The following TMEM117 variants were observed in gnomAD, a reference collection of about 807,000 sequenced individuals.
The protein encoded by TMEM117 is transmembrane protein 117.
TMEM117 carries 27 observed loss-of-function variants against 52.4 expected under a neutral mutation model. The observed-to-expected ratio is 0.51, with a 90% CI of 0.38 to 0.71. The LOEUF (loss-of-function observed/expected upper bound fraction) is 0.71. Ranked by LOEUF, TMEM117 falls within the 30% of genes least tolerant of loss-of-function variation. The pLI, the probability that TMEM117 is intolerant of heterozygous loss-of-function variation, is 0.00. For synonymous variants in TMEM117, 215 were observed against 206.3 expected (o/e 1.04, Z -0.36); for missense variants, 556 against 630.5 (o/e 0.88, Z 1.26).
chr12:44,376,264 G>A (rs1448680694), intron 6 of TMEM117, among the ~76,000 whole-genome samples: 1 of 152,104 alleles, frequency 6.6e-6, no homozygotes, highest in Non-Finnish European at 1.5e-5. Context: ...TTATTAAATA[G>A]GGATCACTTC....
intron 7 of TMEM117, among the ~76,000 whole-genome samples, chr12:44,384,847 C>T (rs986264882): frequency 9.2e-5 from 14 of 152,142 alleles, no homozygotes; most frequent in African/African-American, 2.9e-4. Flanking sequence ...TACCACCCTA[C>T]ATTTTTGGCA....
In TMEM117 at chr12:44,152,957, A is replaced by T. The variant is rs182135991; in HGVS notation, c.510+9333A>T. 4.4e-3 allele frequency among the ~76,000 whole-genome samples: 660 copies of T among 150,442 alleles called. 3 individuals are homozygous for T. Among genetic ancestry groups the T allele is most frequent in the Non-Finnish European group, 4.9e-3 (330 of 67,602 alleles). ...ATATACTTAAGAATAGTGCATATACACACACACATATTTTAGAATCATGGT... is the reference window on the plus strand; with the variant it reads ...ATATACTTAAGAATAGTGCATATACTCACACACATATTTTAGAATCATGGT... On this transcript the variant is annotated intron_variant, in intron 4 of 7. Transcript: ENST00000266534.
intron 3 of TMEM117, among the ~76,000 whole-genome samples, chr12:43,970,374 C>T (rs753615025): frequency 3.6e-4 from 54 of 152,046 alleles, no homozygotes; most frequent in African/African-American, 1.1e-3. Context: ...CTGCAAGCTC[C>T]GCCTCCTGGG....
At chr12:44,166,724 CA>C (rs1948972712) in intron 4 of TMEM117, among the ~76,000 whole-genome samples, 1 of 152,168 alleles carries the variant, frequency 6.6e-6, no homozygotes, top group African/African-American at 2.4e-5. Flanking sequence ...TATCTATGTT[CA>C]CATGAATTTA....
At chr12:43,905,242 A>G (rs962944052) in intron 2 of TMEM117, among the ~76,000 whole-genome samples, 2 of 152,216 alleles carry the variant, frequency 1.3e-5, no homozygotes, top group African/African-American at 4.8e-5. Flanking sequence ...GAGAAAGCTT[A>G]GAAAGGGCAG....
the TMEM117 span, among the ~76,000 whole-genome samples, chr12:43,813,231 G>GTTTTTTTTTTTTTTT: frequency 3.0e-4 from 19 of 62,666 alleles, 3 homozygotes; most frequent in East Asian, 5.1e-4. Context: ...GTTTTCTCTT[G>GTTTTTTTTTTTTTTT]TTTTTTTTTT....
In TMEM117 at chr12:44,299,614, C is replaced by G; in HGVS notation, c.643C>G (p.Leu215Val). ...TTTTACTCTGACGTCTGTGGTTGTA[C>G]TTGTGATTACAACGGACTGGATCAG... ...VLFTLTSVVV[L>V]VITTDWISWD... Residue 215 changes from leucine (L) to valine (V), a missense_variant, in exon 6 of 8, where the codon CTT (leucine) becomes GTT (valine). By Grantham distance (32) the Leu-to-Val change is conservative. Around this residue, in one of 3 missense-constraint regions of TMEM117, gnomAD observed 328 missense variants for 371.4 expected, o/e 0.88. Coordinates refer to ENST00000266534, the MANE Select transcript of TMEM117 (RefSeq NM_032256.3). 2 of 1,614,200 alleles carry G rather than the reference C, an allele frequency of 1.2e-6. No homozygotes were observed. Among genetic ancestry groups the G allele is most frequent in the African/African-American group, 1.3e-5 (1 of 75,066 alleles).
intron 3 of TMEM117, among the ~76,000 whole-genome samples, chr12:44,121,429 C>T (rs1000836085): frequency 5.9e-5 from 9 of 152,160 alleles, no homozygotes; most frequent in Admixed American, 3.9e-4. Flanking sequence ...TCTTATTCCT[C>T]CTCCTCAGCC....
chr12:43,870,236 A>C (rs562185231), intron 2 of TMEM117, among the ~76,000 whole-genome samples: 1 of 150,366 alleles, frequency 6.7e-6, no homozygotes, highest in East Asian at 1.9e-4. Context: ...ACATGTGAAT[A>C]GTGCTGCAGT....
rs73290261 is a variant in TMEM117 at position 44,176,935 on chromosome 12, G to T, written c.510+33311G>T. 5.1e-3 allele frequency among the ~76,000 whole-genome samples: 774 copies of T among 152,132 alleles called. 6 individuals are homozygous for T. The highest frequency in any genetic ancestry group is 0.018 in the African/African-American group (732 of 41,510). On this transcript the variant is annotated intron_variant, in intron 4 of 7. Transcript: ENST00000266534. Reference sequence around the variant, plus strand: ...TTAAGAATATAAAAAATGAAGTTTGGTACAGTATTATATCATGGAGGACTA... The same window carrying T: ...TTAAGAATATAAAAAATGAAGTTTGTTACAGTATTATATCATGGAGGACTA...
At chr12:44,307,194 A>C (rs982825221) in intron 6 of TMEM117, among the ~76,000 whole-genome samples, 10 of 152,230 alleles carry the variant, frequency 6.6e-5, no homozygotes, top group African/African-American at 2.4e-4. Flanking sequence ...GTCATTTCAG[A>C]GCATATGGCA....
chr12:43,891,874 A>G (rs1944112163), intron 2 of TMEM117, among the ~76,000 whole-genome samples: 2 of 152,146 alleles, frequency 1.3e-5, no homozygotes, highest in Admixed American at 6.5e-5. Context: ...AATGTCTTTC[A>G]TTAGAAGTTT....
chr12:44,340,382 C>T (rs1182306354), intron 6 of TMEM117, among the ~76,000 whole-genome samples: 1 of 152,096 alleles, frequency 6.6e-6, no homozygotes, highest in Admixed American at 6.6e-5. Context: ...GTACTTACTT[C>T]TTACCTATCA....
intron 3 of TMEM117, among the ~76,000 whole-genome samples, chr12:43,981,947 T>C (rs1218781013): frequency 2.0e-5 from 3 of 152,038 alleles, no homozygotes; most frequent in Non-Finnish European, 4.4e-5. Flanking sequence ...TATTGCACAG[T>C]AGGGTCATGA....
chr12:44,218,969 G>T (rs1949754924), intron 5 of TMEM117, among the ~76,000 whole-genome samples: 1 of 152,160 alleles, frequency 6.6e-6, no homozygotes, highest in Non-Finnish European at 1.5e-5. Context: ...GCACAGTACT[G>T]CACTGTATGG....
At chr12:44,374,274 G>A (rs1190080348) in intron 6 of TMEM117, among the ~76,000 whole-genome samples, 1 of 151,976 alleles carries the variant, frequency 6.6e-6, no homozygotes, top group African/African-American at 2.4e-5. Context: ...ATGGAGGCAA[G>A]GCTTTAAGAG....
intron 4 of TMEM117, among the ~76,000 whole-genome samples, chr12:44,149,464 A>G (rs910367984): frequency 1.3e-5 from 2 of 152,226 alleles, no homozygotes; most frequent in Non-Finnish European, 2.9e-5. Flanking sequence ...TAGCTTAAAT[A>G]TAGATAATAT....
In TMEM117 at chr12:44,207,803, TAA is replaced by T. The variant is rs111798692; in HGVS notation, c.511-3476_511-3475del. On this transcript the variant is annotated intron_variant, in intron 4 of 7. Transcript: ENST00000266534. ...GAGAGGTTAATTACCTTGCCCTAAA[TAA>T]AAAAAAAAAACCTACTAAGAAATAT... 5.0e-4 allele frequency among the ~76,000 whole-genome samples: 70 copies of T among 140,796 alleles called. 1 individual carries two copies. The South Asian group carries it at 0.014, about 29-fold the overall frequency. The allele number at this position is 140,796 out of a possible 152,430, so 92.4% of individuals were successfully genotyped here.
chr12:43,947,334 C>G (rs1368429738), intron 3 of TMEM117, among the ~76,000 whole-genome samples: 2 of 151,846 alleles, frequency 1.3e-5, no homozygotes, highest in Non-Finnish European at 2.9e-5. Context: ...GACTCTGCCT[C>G]TAAAAAGAAA....
Sources: gnomAD v4.1 joint callset for allele counts (sites outside exome capture counted in the v4.1 genomes callset) on GRCh38, gnomAD v4.1.1 for gene constraint, gnomAD v4.1.1 regional missense constraint, MANE v1.5 for transcripts, NCBI Gene and HGNC (gene_info 2026-07-23, HGNC 2026-07-21) for gene names.